The following SDK1 variants were observed in gnomAD, a reference collection of about 807,000 sequenced individuals.
SDK1 encodes protein sidekick-1.
SDK1 carries 157 observed loss-of-function variants against 245.5 expected under a neutral mutation model. The ratio of observed to expected loss-of-function variants is 0.64; its 90% CI spans 0.56 to 0.73. The LOEUF is 0.73. Ranked by LOEUF, SDK1 falls within the 30% of genes least tolerant of loss-of-function variation. The pLI is 0.00. For synonymous variants in SDK1, 1,647 were observed against 1,278.5 expected, an observed-to-expected ratio of 1.29 and a Z score of -6.15; for missense variants, 3,583 against 3,002.3, an observed-to-expected ratio of 1.19 and a Z score of -4.52.
chr7:3,939,586 C>G (rs1479526610), intron 5 of SDK1, among the ~76,000 whole-genome samples: 3 of 152,202 alleles, frequency 2.0e-5, no homozygotes, highest in African/African-American at 7.2e-5. Context: ...TGGGGATGAC[C>G]TGGATCTCCC....
At chr7:3,687,015 C>T (rs1177357795) in intron 4 of SDK1, among the ~76,000 whole-genome samples, 3 of 146,620 alleles carry the variant, frequency 2.0e-5, no homozygotes, top group Non-Finnish European at 3.0e-5. Context: ...ATCTGAGTGG[C>T]TTCTAGCCAG....
intron 4 of SDK1, among the ~76,000 whole-genome samples, chr7:3,656,087 C>T (rs1034606538): frequency 6.6e-6 from 1 of 152,148 alleles, no homozygotes; most frequent in Non-Finnish European, 1.5e-5. Flanking sequence ...GTATTCACAG[C>T]CAGCTGTTTC....
chr7:3,714,811 G>C (rs1785153809), intron 4 of SDK1, among the ~76,000 whole-genome samples: 1 of 152,190 alleles, frequency 6.6e-6, no homozygotes, highest in African/African-American at 2.4e-5. Context: ...GCCAGAATGA[G>C]TCATTTTGTG....
At chr7:3,480,032 C>A (rs150936503) in intron 1 of SDK1, among the ~76,000 whole-genome samples, 1 of 152,128 alleles carries the variant, frequency 6.6e-6, no homozygotes, top group South Asian at 2.1e-4. Flanking sequence ...ACATCCCAAT[C>A]GTCAGAACCT....
intron 25 of SDK1, among the ~76,000 whole-genome samples, chr7:4,115,698 A>C (rs1783661160): frequency 6.6e-6 from 1 of 152,154 alleles, no homozygotes; most frequent in African/African-American, 2.4e-5. Context: ...TTTCCACCCC[A>C]GAGTCCTCGG....
At chr7:3,535,130 G>C (rs555200899) in intron 1 of SDK1, among the ~76,000 whole-genome samples, 4 of 152,064 alleles carry the variant, frequency 2.6e-5, no homozygotes, top group African/African-American at 9.7e-5. Flanking sequence ...CAAAAAATTA[G>C]CTGGGCATGG....
intron 4 of SDK1, among the ~76,000 whole-genome samples, chr7:3,693,135 A>G (rs6462245): frequency 0.26 from 39,906 of 151,892 alleles, 7,949 homozygotes; most frequent in African/African-American, 0.55. Flanking sequence ...AACGATATTA[A>G]TAATTTTTGT....
At chr7:3,492,576 A>G (rs1167953323) in intron 1 of SDK1, among the ~76,000 whole-genome samples, 1 of 152,250 alleles carries the variant, frequency 6.6e-6, no homozygotes, top group East Asian at 1.9e-4. Context: ...AGTGGACAGC[A>G]GTGGCGGGGC....
At position 4,057,985 on chromosome 7, in the gene SDK1, C is replaced by G. The variant is rs553031944; in HGVS notation, c.2911+6155C>G. 2.2e-4 allele frequency among the ~76,000 whole-genome samples: 33 copies of G among 151,922 alleles called. No individual in the cohort carries two copies. The South Asian group carries it at 6.5e-3, about 30-fold the overall frequency. ...ATGTGCAGATATCAACATAAGGACA[C>G]AAGAAATATGAAAATGCAAGGAAGT... is the stretch of plus-strand genomic sequence containing the variant. On this transcript the variant is annotated intron_variant, in intron 19 of 44. Coordinates refer to ENST00000404826, the MANE Select transcript of SDK1 (RefSeq NM_152744.4).
At chr7:3,755,675 C>A (rs771330786) in intron 4 of SDK1, among the ~76,000 whole-genome samples, 1 of 152,120 alleles carries the variant, frequency 6.6e-6, no homozygotes, top group Admixed American at 6.5e-5. Context: ...CTCCTTCCCC[C>A]CAACCCCTCA....
intron 1 of SDK1, among the ~76,000 whole-genome samples, chr7:3,319,826 A>G (rs1779752884): frequency 7.2e-6 from 1 of 138,800 alleles, no homozygotes; most frequent in East Asian, 2.2e-4. Flanking sequence ...TCTACTTTAT[A>G]TTACAAATCT....
intron 1 of SDK1, among the ~76,000 whole-genome samples, chr7:3,319,478 G>C (rs1390453476): frequency 1.3e-5 from 2 of 152,130 alleles, no homozygotes; most frequent in Non-Finnish European, 2.9e-5. Context: ...AACCAAGCTG[G>C]CTTACCTTTT....
intron 1 of SDK1, among the ~76,000 whole-genome samples, chr7:3,511,799 G>T (rs1782588595): frequency 6.7e-6 from 1 of 148,204 alleles, no homozygotes; most frequent in African/African-American, 2.5e-5. Context: ...TTTGTTTTTT[G>T]TTTTTTTTTA....
intron 4 of SDK1, among the ~76,000 whole-genome samples, chr7:3,764,713 A>G (rs1780205400): frequency 6.6e-6 from 1 of 152,046 alleles, no homozygotes. Flanking sequence ...AAAAATAATC[A>G]TCCTAAACAT....
At chr7:3,598,406 T>C (rs1403255398) in intron 1 of SDK1, among the ~76,000 whole-genome samples, 1 of 152,248 alleles carries the variant, frequency 6.6e-6, no homozygotes, top group Admixed American at 6.5e-5. Flanking sequence ...TTTTATTTTA[T>C]TTTGAGATCA....
At chr7:3,457,004 G>A (rs1423610027) in intron 1 of SDK1, among the ~76,000 whole-genome samples, 1 of 152,092 alleles carries the variant, frequency 6.6e-6, no homozygotes, top group African/African-American at 2.4e-5. Context: ...GCCTCTCAAG[G>A]GTGCACAAGG....
At chr7:3,825,318 TAA>T (rs763807672) in intron 5 of SDK1, among the ~76,000 whole-genome samples, 1,929 of 71,332 alleles carry the variant, frequency 0.027, 34 homozygotes, top group African/African-American at 0.085. Context: ...TTTCTTCCTC[TAA>T]AAAAAAAAAA....
intron 1 of SDK1, among the ~76,000 whole-genome samples, chr7:3,334,930 T>G (rs1481090146): frequency 6.6e-6 from 1 of 152,182 alleles, no homozygotes; most frequent in African/African-American, 2.4e-5. Context: ...ATAAGTGGCT[T>G]TATCATTTAC....
intron 1 of SDK1, among the ~76,000 whole-genome samples, chr7:3,525,760 A>C (rs1783106789): frequency 6.6e-6 from 1 of 152,086 alleles, no homozygotes; most frequent in South Asian, 2.1e-4. Context: ...TCCATTGTAA[A>C]ATATTTCTTC....
Sources: allele counts gnomAD v4.1 joint callset (sites outside exome capture counted in the v4.1 genomes callset), GRCh38; gene constraint gnomAD v4.1.1; transcripts MANE v1.5; gene names NCBI Gene and HGNC (gene_info 2026-07-23, HGNC 2026-07-21).